USP32: variants seen among roughly 807,000 people sequenced by gnomAD.
The protein encoded by USP32 is ubiquitin carboxyl-terminal hydrolase 32.
In USP32, 59 loss-of-function variants were observed where a neutral mutation model predicts 204.8. The observed-to-expected ratio is 0.29, with a 90% CI of 0.23 to 0.36. The LOEUF is 0.36. Among genes scored for constraint, USP32 ranks in the 10% least tolerant of loss-of-function variants. The pLI is 1.00. For synonymous variants in USP32, 517 were observed against 678.4 expected, an observed-to-expected ratio of 0.76 and a Z score of 3.70; for missense variants, 1,160 against 1,946.4, an observed-to-expected ratio of 0.60 and a Z score of 7.60.
chr17:60,280,054 A>G (rs978291115), intron 5 of USP32, among the ~76,000 whole-genome samples: 2 of 152,034 alleles, frequency 1.3e-5, no homozygotes, highest in Non-Finnish European at 2.9e-5. Context: ...TGTAATTACC[A>G]TGACAAAATC....
intron 10 of USP32, among the ~76,000 whole-genome samples, chr17:60,254,910 T>G (rs1226275536): frequency 6.6e-6 from 1 of 152,106 alleles, no homozygotes; most frequent in African/African-American, 2.4e-5. Flanking sequence ...TTATGATGGC[T>G]TTTGCAACTT....
intron 23 of USP32, among the ~76,000 whole-genome samples, 190 bp from the exon 24 acceptor site, chr17:60,208,400 TG>T (rs915323856): frequency 7.2e-5 from 11 of 151,948 alleles, no homozygotes; most frequent in African/African-American, 2.4e-4. Flanking sequence ...ATTTTTTTGG[TG>T]TTCATCTGAC....
rs201413343 is a variant in USP32 at position 60,242,116 on chromosome 17, G to T, written c.1137-5876C>A. ...TCCAAATTCTCCTGCACCGTTTTTT[G>T]TTTTTTAAAGAGACAGAATCTTGCT... is the stretch of plus-strand genomic sequence containing the variant. On this transcript the variant is annotated intron_variant, in intron 11 of 33. Transcript: ENST00000300896. 3.3e-5 allele frequency among the ~76,000 whole-genome samples: 5 copies of T among 152,102 alleles called. No individual in the cohort carries two copies. The East Asian group carries it at 9.7e-4, about 29-fold the overall frequency.
Position 60,219,685 on chromosome 17 carries a change from T to C in USP32, c.1852A>G (p.Ile618Val). The C allele has an allele frequency of 6.2e-6, 10 of 1,611,780 alleles. No individual in the cohort carries two copies. The highest frequency in any genetic ancestry group is 8.5e-6 in the Non-Finnish European group (10 of 1,179,120). The stretch of plus-strand genomic sequence containing the variant: ...CTCATCATACCCATATTCACCCAGA[T>C]GTTAGACTGCTGTGTCCGAGTGGCA... ...QPATRTQQSN[I>V]WVNMGNVPSP... Residue 618 changes from isoleucine (I) to valine (V), a missense_variant, in exon 16 of 34, where the codon ATC becomes GTC. Around this residue, in one of 8 missense-constraint regions of USP32, gnomAD observed 37 missense variants for 62.6 expected, o/e 0.59. Transcript: ENST00000300896.
In USP32 at chr17:60,284,603, C is replaced by T. The variant is rs1377068230; in HGVS notation, c.571+3920G>A. On this transcript the variant is annotated intron_variant, in intron 5 of 33. Coordinates refer to ENST00000300896, the MANE Select transcript of USP32 (RefSeq NM_032582.4). Reference sequence around the variant, plus strand: ...AAAAAAAGATGATTTTCAAATAAAACGGAGCCATTTTTAACATATTGAAAA... The same window carrying T: ...AAAAAAAGATGATTTTCAAATAAAATGGAGCCATTTTTAACATATTGAAAA... Among the ~76,000 whole-genome samples the T allele has an allele frequency of 5.3e-5, 8 of 152,208 alleles. No homozygotes were observed. In the East Asian group the frequency reaches 1.2e-3, roughly 22 times the overall value.
chr17:60,379,207 A>G (rs9894617), intron 1 of USP32, among the ~76,000 whole-genome samples: 3,363 of 152,308 alleles, frequency 0.022, 115 homozygotes, highest in African/African-American at 0.076. Flanking sequence ...CTAGAAAAAC[A>G]TACCTTTTAG....
intron 1 of USP32, among the ~76,000 whole-genome samples, chr17:60,370,362 CA>C (rs2089413521): frequency 6.6e-6 from 1 of 151,982 alleles, no homozygotes; most frequent in African/African-American, 2.4e-5. Context: ...CCAATTAAAA[CA>C]AGCTACCATT....
At chr17:60,337,842 C>CT (rs1400377835) in intron 2 of USP32, among the ~76,000 whole-genome samples, 6 of 152,070 alleles carry the variant, frequency 3.9e-5, no homozygotes, top group Non-Finnish European at 8.8e-5. Flanking sequence ...GATCGGGCCA[C>CT]TGCACTCCAG....
At chr17:60,390,194 G>C (rs1028442475) in intron 1 of USP32, among the ~76,000 whole-genome samples, 1 of 152,162 alleles carries the variant, frequency 6.6e-6, no homozygotes, top group Non-Finnish European at 1.5e-5. Flanking sequence ...ATTTACAAAC[G>C]TACCATCTTA....
chr17:60,224,968 CTT>C (rs764453930), intron 13 of USP32, among the ~76,000 whole-genome samples: 3 of 152,176 alleles, frequency 2.0e-5, no homozygotes, highest in East Asian at 3.8e-4. Flanking sequence ...CATCTGAATT[CTT>C]TCTCAGTATT....
chr17:60,181,657 G>T lies in USP32; in HGVS notation c.4215C>A (p.Ser1405Arg). 1 of 1,613,646 alleles carries T rather than the reference G, an allele frequency of 6.2e-7. No individual in the cohort carries two copies. Among genetic ancestry groups the T allele is most frequent in the Non-Finnish European group, 8.5e-7 (1 of 1,179,848 alleles). The change falls in exon 32 of 34, where the codon AGC becomes AGA. Residue 1405 changes from serine to arginine, a missense_variant. Ser to Arg is a moderately radical substitution (Grantham distance 110, BLOSUM62 -1). Around this residue, in one of 8 missense-constraint regions of USP32, gnomAD observed 244 missense variants for 342.3 expected, o/e 0.71. Transcript: ENST00000300896. ...PNSSPRTLGR[S>R]KGRLRLPQIG... ...TCTGGGGCAGCCGGAGCCTCCCTTT[G>T]CTCCTCCCCAAAGTCCGTGGGCTGC...
intron 1 of USP32, among the ~76,000 whole-genome samples, chr17:60,347,990 C>T (rs1361420124): frequency 3.3e-5 from 5 of 151,826 alleles, no homozygotes; most frequent in East Asian, 2.0e-4. Context: ...GGCCTGGTGG[C>T]GGGCACCTGT....
Position 60,222,494 on chromosome 17 carries a change from T to C in USP32, c.1664A>G (p.His555Arg), listed in dbSNP as rs1334918992. Reference protein sequence around the residue: ...GRLKRTPQLIHGRDYEMVPEP... With the variant: ...GRLKRTPQLIRGRDYEMVPEP... The stretch of plus-strand genomic sequence containing the variant: ...TGGGACCATTTCATAGTCTCTTCCA[T>C]GAATCAGCTGTGGAGTTCGTTTTAA... Residue 555 changes from histidine to arginine, a missense_variant, in exon 15 of 34, where the codon CAT (histidine) becomes CGT (arginine). Transcript: ENST00000300896. The C allele has an allele frequency of 1.9e-6, 3 of 1,614,018 alleles. No homozygotes were observed. The highest frequency in any genetic ancestry group is 2.7e-5 in the African/African-American group (2 of 74,912).
intron 5 of USP32, among the ~76,000 whole-genome samples, chr17:60,283,871 T>C (rs1374078239): frequency 6.6e-6 from 1 of 152,110 alleles, no homozygotes; most frequent in Non-Finnish European, 1.5e-5. Context: ...AGCATGGAAA[T>C]GGCTGTGATG....
At chr17:60,384,926 G>A (rs371564004) in intron 1 of USP32, among the ~76,000 whole-genome samples, 4 of 152,058 alleles carry the variant, frequency 2.6e-5, no homozygotes, top group East Asian at 1.9e-4. Flanking sequence ...TGGACAACAC[G>A]GCGAAACCCC....
chr17:60,183,867 A>G (rs1438247810), intron 30 of USP32, among the ~76,000 whole-genome samples: 1 of 152,236 alleles, frequency 6.6e-6, no homozygotes, highest in Non-Finnish European at 1.5e-5. Context: ...ACTGGTCTAC[A>G]TGACTGCTCT....
chr17:60,192,950 A>G lies in USP32; in HGVS notation c.3435-20T>C. On this transcript the variant is annotated intron_variant, in intron 27 of 33. Coordinates refer to ENST00000300896, the MANE Select transcript of USP32 (RefSeq NM_032582.4). ...TCGTCACTGAAACAGAAGAGAACAA[A>G]AAGAGTGTAAGAAGCATTTCTGGTT... 4 of 1,612,724 alleles carry G rather than the reference A, an allele frequency of 2.5e-6. No homozygotes were observed. The highest frequency in any genetic ancestry group is 3.4e-6 in the Non-Finnish European group (4 of 1,178,852).
intron 2 of USP32, chr17:60,316,194 C>T (rs1304918107): frequency 1.1e-5 from 3 of 263,506 alleles, no homozygotes; most frequent in Admixed American, 4.5e-5. Context: ...AGCTACCTTG[C>T]CGCATATATG....
At chr17:60,390,577 T>C (rs1464802154) in intron 1 of USP32, among the ~76,000 whole-genome samples, 1 of 152,252 alleles carries the variant, frequency 6.6e-6, no homozygotes, top group African/African-American at 2.4e-5. Flanking sequence ...ATCTGTGTTA[T>C]TCTGGTAAAT....
Sources: allele counts gnomAD v4.1 joint callset (sites outside exome capture counted in the v4.1 genomes callset), GRCh38; gene constraint gnomAD v4.1.1; regional missense constraint gnomAD v4.1.1; transcripts MANE v1.5; gene names NCBI Gene and HGNC (gene_info 2026-07-23, HGNC 2026-07-21).